The following ADCY5 variants were observed in gnomAD, a reference collection of about 807,000 sequenced individuals.
ADCY5 encodes the protein adenylate cyclase 5.
Under a neutral mutation model 119.7 loss-of-function variants are expected in ADCY5, and 30 were observed. The observed-to-expected ratio is 0.25, with a 90% CI of 0.19 to 0.34. The LOEUF (loss-of-function observed/expected upper bound fraction) is 0.34. Among genes scored for constraint, ADCY5 ranks in the 10% least tolerant of loss-of-function variants. The probability of loss-of-function intolerance (pLI) is 1.00; values close to 1 mark genes in which losing one functional copy is unlikely to be tolerated. For synonymous variants in ADCY5, 753 were observed against 762.2 expected (o/e 0.99, Z 0.20); for missense variants, 1,324 against 1,775.2 (o/e 0.75, Z 4.57).
intron 1 of ADCY5, among the ~76,000 whole-genome samples, chr3:123,414,780 C>G (rs528163496): frequency 1.3e-5 from 2 of 152,322 alleles, no homozygotes; most frequent in Admixed American, 1.3e-4. Flanking sequence ...TGGTCTCAAA[C>G]TCTTGACCTC....
At chr3:123,343,971 G>A (rs1942402113) in intron 3 of ADCY5, among the ~76,000 whole-genome samples, 1 of 152,236 alleles carries the variant, frequency 6.6e-6, no homozygotes, top group South Asian at 2.1e-4. Flanking sequence ...CCCACGGCCA[G>A]TGGTGGCTCA....
At chr3:123,371,750 G>A (rs1270525331) in intron 1 of ADCY5, among the ~76,000 whole-genome samples, 1 of 152,254 alleles carries the variant, frequency 6.6e-6, no homozygotes, top group East Asian at 1.9e-4. Context: ...GGTAGCATGG[G>A]ATCTGAAGCT....
chr3:123,297,436 C>T (rs549654855), intron 15 of ADCY5, 54 bp from the exon 16 acceptor site: 3 of 1,582,090 alleles, frequency 1.9e-6, no homozygotes, highest in Non-Finnish European at 2.6e-6. Context: ...CATAAGGCGG[C>T]CTCCACTCCT....
At chr3:123,417,062 T>C (rs1945200092) in intron 1 of ADCY5, among the ~76,000 whole-genome samples, 1 of 152,156 alleles carries the variant, frequency 6.6e-6, no homozygotes, top group African/African-American at 2.4e-5. Context: ...CTGTTGTTTA[T>C]GCCCCCAATC....
At chr3:123,421,001 T>A (rs1221039238) in intron 1 of ADCY5, among the ~76,000 whole-genome samples, 1 of 152,122 alleles carries the variant, frequency 6.6e-6, no homozygotes, top group Non-Finnish European at 1.5e-5. Context: ...GTGTCCAAAT[T>A]TCCCCTTTTT....
chr3:123,285,072 G>A (rs1339987065), intron 20 of ADCY5, among the ~76,000 whole-genome samples: 2 of 152,178 alleles, frequency 1.3e-5, no homozygotes, highest in Non-Finnish European at 2.9e-5. Context: ...AGTAAGTGCC[G>A]GGGAGCTTTC....
At chr3:123,336,389 G>GTTCA (rs1471923556) in intron 3 of ADCY5, among the ~76,000 whole-genome samples, 2 of 152,260 alleles carry the variant, frequency 1.3e-5, no homozygotes, top group African/African-American at 4.8e-5. Flanking sequence ...CATGAGTCAA[G>GTTCA]GAGCATGTTC....
At chr3:123,345,769 G>GACAGACAGACAGACAGACAC (rs57198270) in intron 3 of ADCY5, among the ~76,000 whole-genome samples, 1 of 113,762 alleles carries the variant, frequency 8.8e-6, no homozygotes, top group African/African-American at 4.0e-5. Context: ...CAGACAGACA[G>GACAGACAGACAGACAGACAC]ACACACACAC....
chr3:123,295,911 G>T (rs1939471161), intron 17 of ADCY5, among the ~76,000 whole-genome samples, 173 bp downstream of exon 17: 1 of 152,202 alleles, frequency 6.6e-6, no homozygotes, highest in African/African-American at 2.4e-5. Flanking sequence ...AGAGTGCAGG[G>T]AGCAGACCCA....
At chr3:123,309,155 C>A (rs1940399360) in intron 12 of ADCY5, among the ~76,000 whole-genome samples, 1 of 152,194 alleles carries the variant, frequency 6.6e-6, no homozygotes, top group Admixed American at 6.5e-5. Flanking sequence ...TCTCCAGGTA[C>A]ATCGAAGACC....
intron 1 of ADCY5, among the ~76,000 whole-genome samples, chr3:123,429,916 G>A (rs1945489438): frequency 6.6e-6 from 1 of 152,166 alleles, no homozygotes; most frequent in South Asian, 2.1e-4. Context: ...CTGCCCTGGG[G>A]GTGGGGTGTG....
chr3:123,296,368 G>T, intron 16 of ADCY5, 152 bp from the exon 17 acceptor site: 3 of 921,794 alleles, frequency 3.3e-6, no homozygotes, highest in Non-Finnish European at 4.7e-6. Context: ...TGCCGCACGC[G>T]TGCCTCCTCC....
chr3:123,408,373 G>A (rs1461218578), intron 1 of ADCY5, among the ~76,000 whole-genome samples: 3 of 148,220 alleles, frequency 2.0e-5, no homozygotes, highest in East Asian at 2.0e-4. Context: ...AAAGGCAGAC[G>A]TTGGCCGGGC....
At chr3:123,324,604 A>T (rs1156997665) in intron 8 of ADCY5, among the ~76,000 whole-genome samples, 1 of 152,178 alleles carries the variant, frequency 6.6e-6, no homozygotes, top group African/African-American at 2.4e-5. Context: ...ACACCACTGC[A>T]GTAACGTGGC....
intron 3 of ADCY5, among the ~76,000 whole-genome samples, chr3:123,338,775 C>G (rs554367723): frequency 2.0e-5 from 3 of 152,366 alleles, no homozygotes; most frequent in Non-Finnish European, 4.4e-5. Context: ...CAGCCCTCCA[C>G]AGCAGCTTTG....
intron 1 of ADCY5, among the ~76,000 whole-genome samples, chr3:123,362,766 A>T (rs1943296186): frequency 6.6e-6 from 1 of 152,234 alleles, no homozygotes; most frequent in South Asian, 2.1e-4. Flanking sequence ...TTTCATAAAC[A>T]TTCAGTTCGC....
At chr3:123,382,626 G>C (rs1055274910) in intron 1 of ADCY5, among the ~76,000 whole-genome samples, 2 of 152,190 alleles carry the variant, frequency 1.3e-5, no homozygotes, top group Non-Finnish European at 2.9e-5. Flanking sequence ...CTACAACAGG[G>C]ATAAGCCTCA....
At chr3:123,419,235 C>A in intron 1 of ADCY5, 1 of 985,424 alleles carries the variant, frequency 1.0e-6, no homozygotes, top group Non-Finnish European at 1.2e-6. Flanking sequence ...AGGTGGCACT[C>A]AAGGCCCTCC....
chr3:123,355,848 C>A (rs982250841), intron 1 of ADCY5, among the ~76,000 whole-genome samples: 1 of 152,014 alleles, frequency 6.6e-6, no homozygotes, highest in African/African-American at 2.4e-5. Flanking sequence ...ATGAAAATAG[C>A]CAAAATAGTT....
Sources: allele counts gnomAD v4.1 joint callset (sites outside exome capture counted in the v4.1 genomes callset), GRCh38; gene constraint gnomAD v4.1.1; transcripts MANE v1.5; gene names NCBI Gene and HGNC (gene_info 2026-07-23, HGNC 2026-07-21).